The following RPGR variants were observed in gnomAD, a reference collection of about 807,000 sequenced individuals.
The protein encoded by RPGR is X-linked retinitis pigmentosa GTPase regulator.
RPGR carries 10 observed loss-of-function variants against 56.3 expected under a neutral mutation model. The ratio of observed to expected loss-of-function variants is 0.18; its 90% confidence interval spans 0.11 to 0.30. The LOEUF (loss-of-function observed/expected upper bound fraction) is 0.30. Among genes scored for constraint, RPGR ranks in the 10% least tolerant of loss-of-function variants. RPGR has a pLI of 1.00. For missense variants in RPGR, 538 were observed against 590.9 expected, an observed-to-expected ratio of 0.91 and a Z score of 0.93; for synonymous variants, 197 against 212.9, an observed-to-expected ratio of 0.93 and a Z score of 0.65.
chrX:38,283,181 A>T (rs1427536178), intron 15 of RPGR, among the ~76,000 whole-genome samples: 1 of 111,154 alleles, frequency 9.0e-6, no homozygotes, highest in African/African-American at 3.3e-5. Flanking sequence ...TCCTCTCCAT[A>T]AACTTTTTGA....
chrX:38,284,512 AAAT>A (rs1379288763), intron 15 of RPGR: 32 of 745,520 alleles, frequency 4.3e-5, no homozygotes, highest in Non-Finnish European at 5.1e-5. Flanking sequence ...CACATACCAG[AAAT>A]GAAGGCTCTG....
chrX:38,285,425 A>T, intron 15 of RPGR: 3 of 1,114,013 alleles, frequency 2.7e-6, no homozygotes, highest in Admixed American at 6.2e-5. Context: ...TTTTTTTTTT[A>T]CTACACATAA....
intron 7 of RPGR, among the ~76,000 whole-genome samples, chrX:38,305,141 C>T (rs2067572192): frequency 9.0e-6 from 1 of 111,586 alleles, no homozygotes; most frequent in Admixed American, 9.5e-5. Context: ...GTTGGCCGGT[C>T]GCAACGGCTC....
At chrX:38,300,861 T>C (rs1249781456) in intron 9 of RPGR, among the ~76,000 whole-genome samples, 1 of 112,350 alleles carries the variant, frequency 8.9e-6, no homozygotes, top group Non-Finnish European at 1.9e-5. Context: ...TATCAGACTT[T>C]CTGTTGTGCA....
intron 6 of RPGR, among the ~76,000 whole-genome samples, chrX:38,316,644 C>T (rs962562709): frequency 2.7e-5 from 3 of 110,886 alleles, no homozygotes; most frequent in African/African-American, 9.8e-5. Context: ...TATTGATTAT[C>T]AGTTTGTTCA....
chrX:38,309,557 G>C (rs764011226), intron 7 of RPGR, among the ~76,000 whole-genome samples: 1 of 112,787 alleles, frequency 8.9e-6, no homozygotes, highest in Admixed American at 9.4e-5. Flanking sequence ...GCCAGGTGTG[G>C]TGGCTCACGC....
rs1353928229 is a variant in RPGR at position 38,314,036 on chromosome X, T to C, written c.620-3263A>G. ...TTTGGTCACACATAAAATACACTAA[T>C]ACTAACGATAGCTGATGAGCTAAAA... On this transcript the variant is annotated intron_variant, in intron 6 of 18. Coordinates refer to ENST00000642395, the MANE Select transcript of RPGR (RefSeq NM_000328.3). Among the ~76,000 whole-genome samples the C allele has an allele frequency of 7.2e-5, 8 of 111,416 alleles. No individual in the cohort carries two copies. In the Admixed American group the frequency reaches 7.6e-4, roughly 11 times the overall value.
intron 15 of RPGR, among the ~76,000 whole-genome samples, chrX:38,282,515 A>G (rs972765385): frequency 3.6e-5 from 4 of 111,575 alleles, no homozygotes; most frequent in African/African-American, 1.3e-4. Flanking sequence ...CCAGATCCAT[A>G]CAGGTATCTG....
chrX:38,296,580 T>G (rs994939199), intron 11 of RPGR, among the ~76,000 whole-genome samples: 1 of 111,642 alleles, frequency 9.0e-6, no homozygotes, highest in Non-Finnish European at 1.9e-5. Context: ...GGTATTAATA[T>G]TAATCATAAC....
At chrX:38,272,029 G>A (rs2066849250) in intron 18 of RPGR, among the ~76,000 whole-genome samples, 1 of 111,840 alleles carries the variant, frequency 8.9e-6, no homozygotes, top group Non-Finnish European at 1.9e-5. Context: ...CTTTAAATAG[G>A]TAGGTTAAAT....
At chrX:38,270,480 G>A (rs760104613) in intron 18 of RPGR, among the ~76,000 whole-genome samples, 30 of 72,205 alleles carry the variant, frequency 4.2e-4, no homozygotes, top group East Asian at 1.8e-3. Context: ...AAAATTAGCC[G>A]GGCGTGGTGG....
At chrX:38,325,903 G>A (rs1170707265) in intron 1 of RPGR, 1 of 111,946 alleles carries the variant, frequency 8.9e-6, no homozygotes, top group Non-Finnish European at 1.9e-5. Flanking sequence ...TCCAGCTTTT[G>A]GGGAAATCCC....
In RPGR at chrX:38,310,151, C is replaced by T. The variant is rs138129040; in HGVS notation, c.778+464G>A. Reference sequence around the variant, plus strand: ...GCTAATATTAGTAAAGATGGGGTTTCGTCATGTTGCTCAGGCTGGTCTCGA... The same window carrying T: ...GCTAATATTAGTAAAGATGGGGTTTTGTCATGTTGCTCAGGCTGGTCTCGA... On this transcript the variant is annotated intron_variant, in intron 7 of 18. Coordinates refer to ENST00000642395, the MANE Select transcript of RPGR (RefSeq NM_000328.3). Among the ~76,000 whole-genome samples the T allele has an allele frequency of 2.6e-3, 283 of 110,313 alleles. 4 individuals carry two copies. In the East Asian group the frequency reaches 0.055, roughly 21 times the overall value.
chrX:38,275,606 G>C (rs1371489340), intron 16 of RPGR, among the ~76,000 whole-genome samples: 1 of 111,832 alleles, frequency 8.9e-6, no homozygotes, highest in Non-Finnish European at 1.9e-5. Context: ...CTTGGATAAA[G>C]AAGGAACCAA....
At chrX:38,285,418 T>C in intron 15 of RPGR, 2 of 1,133,351 alleles carry the variant, frequency 1.8e-6, no homozygotes, top group Middle Eastern at 3.3e-4. Context: ...CAGTTGCTTT[T>C]TTTTTTACTA....
chrX:38,292,675 A>T (rs1207270677), intron 11 of RPGR, among the ~76,000 whole-genome samples: 8 of 112,783 alleles, frequency 7.1e-5, no homozygotes, highest in African/African-American at 2.6e-4. Context: ...GGGTATACAT[A>T]TACTAATAAG....
intron 4 of RPGR, 134 bp from the exon 5 acceptor site, chrX:38,319,121 C>A: frequency 1.6e-6 from 1 of 643,819 alleles, no homozygotes; most frequent in South Asian, 2.7e-5. Flanking sequence ...ATTTGGGAGA[C>A]AACTTCATTT....
At chrX:38,282,070 C>T (rs947217857) in intron 15 of RPGR, among the ~76,000 whole-genome samples, 26 of 111,486 alleles carry the variant, frequency 2.3e-4, no homozygotes, top group African/African-American at 8.5e-4. Flanking sequence ...ACACATCTCC[C>T]TTCCTAAATT....
chrX:38,303,779 G>T, intron 8 of RPGR: 1 of 296,989 alleles, frequency 3.4e-6, no homozygotes, highest in Non-Finnish European at 5.9e-6. Context: ...CATTAGATGA[G>T]CAGTAGTTTT....
Sources: gnomAD v4.1 joint callset for allele counts (sites outside exome capture counted in the v4.1 genomes callset) on GRCh38, gnomAD v4.1.1 for gene constraint, MANE v1.5 for transcripts, NCBI Gene and HGNC (gene_info 2026-07-23, HGNC 2026-07-21) for gene names.